The following CBFA2T3 variants were observed in gnomAD, a reference collection of about 807,000 sequenced individuals.
CBFA2T3 encodes the protein transcriptional corepressor CBFA2T3.
Under a neutral mutation model 58.6 loss-of-function variants are expected in CBFA2T3, and 31 were observed. That is an observed-to-expected ratio of 0.53 (90% confidence interval 0.40 to 0.71). The LOEUF is 0.71. Among genes scored for constraint, CBFA2T3 ranks in the 30% least tolerant of loss-of-function variants. CBFA2T3 has a pLI of 0.00. For synonymous variants in CBFA2T3, 531 were observed against 421.9 expected (o/e 1.26, Z -3.17); for missense variants, 1,076 against 963.1 (o/e 1.12, Z -1.55).
rs1567634892 is a variant in CBFA2T3, at chr16:88,958,425, G to GTCCTC, written c.151+18231_151+18232insGAGGA. Reference sequence around the variant, plus strand: ...TTTTATTTGGGGTGGGGGTGTTAGAGTAATGCCAGGCGGGGCGGCGGGGGA... The same window carrying GTCCTC: ...TTTTATTTGGGGTGGGGGTGTTAGAGTCCTCTAATGCCAGGCGGGGCGGCGGGGGA... On this transcript the variant is annotated intron_variant, in intron 1 of 11. Coordinates refer to ENST00000268679, the MANE Select transcript of CBFA2T3 (RefSeq NM_005187.6). This position sits in a 1 kb window ranked among gnomAD's most constrained non-coding sequence, Gnocchi z 4.0. Among the ~76,000 whole-genome samples, 1 of 151,660 alleles carries GTCCTC rather than the reference G, an allele frequency of 6.6e-6. No individual in the cohort carries two copies. Among genetic ancestry groups the GTCCTC allele is most frequent in the African/African-American group, 2.4e-5 (1 of 41,230 alleles).
chr16:88,887,924 G>A (rs564893924), intron 5 of CBFA2T3, among the ~76,000 whole-genome samples: 5 of 152,276 alleles, frequency 3.3e-5, no homozygotes, highest in East Asian at 1.9e-4. Flanking sequence ...AAGGGCTTTC[G>A]CGGACTCCGC....
chr16:88,891,093 C>G (rs542546694), intron 5 of CBFA2T3, among the ~76,000 whole-genome samples: 1 of 152,116 alleles, frequency 6.6e-6, no homozygotes, highest in African/African-American at 2.4e-5. Flanking sequence ...ACCATCTGAC[C>G]TGCTTTCACC....
intron 1 of CBFA2T3, among the ~76,000 whole-genome samples, chr16:88,911,062 G>A (rs182917857): frequency 2.0e-5 from 3 of 152,210 alleles, no homozygotes; most frequent in Non-Finnish European, 2.9e-5. Context: ...CTCTGCCATC[G>A]GTCTAGGCAG....
chr16:88,943,940 G>A (rs1321231873), intron 1 of CBFA2T3, among the ~76,000 whole-genome samples: 1 of 152,226 alleles, frequency 6.6e-6, no homozygotes, highest in Non-Finnish European at 1.5e-5. Flanking sequence ...GCCACACTCA[G>A]GGCTCGGGAG....
chr16:88,880,334 C>A (rs909913829), intron 10 of CBFA2T3, among the ~76,000 whole-genome samples: 3 of 152,174 alleles, frequency 2.0e-5, no homozygotes, highest in Admixed American at 6.5e-5. Context: ...GAGCAAATGT[C>A]CCCACAGCCT....
At chr16:88,974,899 G>A (rs1291095258) in intron 1 of CBFA2T3, among the ~76,000 whole-genome samples, 1 of 152,190 alleles carries the variant, frequency 6.6e-6, no homozygotes, top group East Asian at 1.9e-4. Context: ...AGCCCCAAGT[G>A]CTGGTATTCA....
chr16:88,953,133 C>T lies in CBFA2T3; in HGVS notation c.151+23524G>A, dbSNP rs1288247239. On this transcript the variant is annotated intron_variant, in intron 1 of 11. Transcript: ENST00000268679. The surrounding 1 kb of genome is among the most constrained non-coding windows in gnomAD (Gnocchi z 4.9). ...CGGCCCCCAGTCCTGCTGGCCCCAG[C>T]GATGACAGAGGAGGAGGAATGAGGA... 3.9e-5 allele frequency among the ~76,000 whole-genome samples: 6 copies of T among 152,180 alleles called. No homozygotes were observed. Among genetic ancestry groups the T allele is most frequent in the African/African-American group, 9.7e-5 (4 of 41,448 alleles).
intron 3 of CBFA2T3, among the ~76,000 whole-genome samples, chr16:88,897,501 G>A (rs1277386036): frequency 2.0e-5 from 3 of 152,242 alleles, no homozygotes; most frequent in Admixed American, 2.0e-4. Flanking sequence ...GGCCACGCAC[G>A]TTGACAGAAA....
chr16:88,883,459 C>G (rs76358870), intron 7 of CBFA2T3: 1 of 153,396 alleles, frequency 6.5e-6, no homozygotes, highest in African/African-American at 2.4e-5. Flanking sequence ...GGGTTGTTCT[C>G]TGCTCAGTTA....
At position 88,958,190 on chromosome 16, in the gene CBFA2T3, C is replaced by T. The variant is rs931163821; in HGVS notation, c.151+18467G>A. Reference sequence around the variant, plus strand: ...CTGGTCAGGCTGTCGGGGCCTCAGACGGCAGAAACCTATCCCGAGAGGAAA... The same window carrying T: ...CTGGTCAGGCTGTCGGGGCCTCAGATGGCAGAAACCTATCCCGAGAGGAAA... On this transcript the variant is annotated intron_variant, in intron 1 of 11. Coordinates refer to ENST00000268679, the MANE Select transcript of CBFA2T3 (RefSeq NM_005187.6). This position sits in a 1 kb window ranked among gnomAD's most constrained non-coding sequence, Gnocchi z 4.0. Among the ~76,000 whole-genome samples the T allele has an allele frequency of 7.2e-5, 11 of 152,280 alleles. No individual in the cohort carries two copies. Among genetic ancestry groups the T allele is most frequent in the African/African-American group, 1.9e-4 (8 of 41,542 alleles).
intron 1 of CBFA2T3, among the ~76,000 whole-genome samples, chr16:88,926,472 G>A (rs1349429914): frequency 6.6e-6 from 1 of 152,224 alleles, no homozygotes; most frequent in Non-Finnish European, 1.5e-5. Context: ...TCGAGGCTGA[G>A]CGACCTCTCT....
chr16:88,885,903 C>G lies in CBFA2T3; in HGVS notation c.893+58G>C, dbSNP rs1969349181. 3 of 1,446,074 alleles carry G rather than the reference C, an allele frequency of 2.1e-6. No individual in the cohort carries two copies. The highest frequency in any genetic ancestry group is 1.9e-6 in the Non-Finnish European group (2 of 1,061,946). The allele number at this position is 1,446,074 out of a possible 1,614,324, so 89.6% of individuals were successfully genotyped here. On this transcript the variant is annotated intron_variant, in intron 6 of 11. Transcript: ENST00000268679. The surrounding 1 kb of genome is among the most constrained non-coding windows in gnomAD (Gnocchi z 5.3). ...GTTCCCTCTCTTACCCAGAGGGGAG[C>G]AGGGTGAGCCGCGTGTCCACGGCAC...
chr16:88,891,602 G>T (rs895033665), intron 5 of CBFA2T3, among the ~76,000 whole-genome samples: 4 of 152,188 alleles, frequency 2.6e-5, no homozygotes, highest in Non-Finnish European at 5.9e-5. Context: ...GGACAGCTCT[G>T]TCCTGTGCTG....
rs1321706353 is a variant in CBFA2T3 at position 88,894,226 on chromosome 16, G to A, written c.380-1741C>T. On this transcript the variant is annotated intron_variant, in intron 3 of 11. Coordinates refer to ENST00000268679, the MANE Select transcript of CBFA2T3 (RefSeq NM_005187.6). ...AATGTACACACATGCACGCACACAT[G>A]CACACACACATGCATACATATACAC... 1.8e-3 allele frequency among the ~76,000 whole-genome samples: 199 copies of A among 107,866 alleles called. 1 individual carries two copies. Among genetic ancestry groups the A allele is most frequent in the Non-Finnish European group, 3.3e-3 (174 of 53,226 alleles). The allele number at this position is 107,866 out of a possible 152,430, so 70.8% of individuals were successfully genotyped here.
Position 88,877,146 on chromosome 16 carries a change from C to A in CBFA2T3, c.1792G>T (p.Gly598Cys). 6 of 1,550,560 alleles carry A rather than the reference C, an allele frequency of 3.9e-6. No individual in the cohort carries two copies. The highest frequency in any genetic ancestry group is 5.2e-6 in the Non-Finnish European group (6 of 1,147,640). ...GGGTCGGCCACCACGGCTGTGGGGC[C>A]CTGCAGGCTCTGGCCACACACGTGG... ...HHHVCGQSLQ[G>C]PTAVVADPVP... The change falls in exon 12 of 12, where the codon GGC becomes TGC. Residue 598 changes from glycine to cysteine, a missense_variant. Physicochemically the swap from Gly to Cys is radical, Grantham distance 159. Transcript: ENST00000268679.
intron 10 of CBFA2T3, 161 bp from the exon 11 acceptor site, chr16:88,879,621 C>T: frequency 1.6e-6 from 1 of 634,314 alleles, no homozygotes; most frequent in South Asian, 1.9e-5. Flanking sequence ...CTGTAGGCAG[C>T]TGAACACACG....
At chr16:88,939,307 G>A (rs564497) in intron 1 of CBFA2T3, 3,646 of 152,374 alleles carry the variant, frequency 0.024, 150 homozygotes, top group African/African-American at 0.083. Flanking sequence ...GTGACAGCAC[G>A]GCCCCAGCAC....
At chr16:88,923,819 A>C (rs764083113) in intron 1 of CBFA2T3, among the ~76,000 whole-genome samples, 1 of 152,136 alleles carries the variant, frequency 6.6e-6, no homozygotes, top group Non-Finnish European at 1.5e-5. Context: ...GAAAGACCAG[A>C]ATGCCGAACC....
chr16:88,960,824 A>C (rs1024879326), intron 1 of CBFA2T3, among the ~76,000 whole-genome samples: 2 of 152,228 alleles, frequency 1.3e-5, no homozygotes, highest in Non-Finnish European at 2.9e-5. Flanking sequence ...ACATAATCCT[A>C]TTGGCTACAG....
Sources: allele counts gnomAD v4.1 joint callset (sites outside exome capture counted in the v4.1 genomes callset), GRCh38; gene constraint gnomAD v4.1.1; non-coding constraint Gnocchi (gnomAD v3.1); transcripts MANE v1.5; gene names NCBI Gene and HGNC (gene_info 2026-07-23, HGNC 2026-07-21).